Variants in GALNT15 observed in about 807,000 individuals in gnomAD.
GALNT15 encodes UDP-GalNAc transferase T15.
Under a neutral mutation model 66.8 loss-of-function variants are expected in GALNT15, and 67 were observed. The observed-to-expected ratio is 1.00, with a 90% CI of 0.82 to 1.23. The LOEUF (loss-of-function observed/expected upper bound fraction) is 1.23, where lower values mean the gene tolerates loss of function less well. GALNT15 is among the 50% of genes most tolerant of loss of function. The pLI is 0.00. For synonymous variants in GALNT15, 313 were observed against 311.5 expected, an observed-to-expected ratio of 1.00 and a Z score of -0.05; for missense variants, 827 against 804.3, an observed-to-expected ratio of 1.03 and a Z score of -0.34.
At chr3:16,233,094 C>CTTTTGTTTTTTTTTTTTTT (rs2064099745), downstream of GALNT15, among the ~76,000 whole-genome samples, 1 of 61,208 alleles carries the variant, frequency 1.6e-5, no homozygotes, top group African/African-American at 6.6e-5. Context: ...GATAATGCAT[C>CTTTTGTTTTTTTTTTTTTT]TTTTTTTTTT....
intron 9 of GALNT15, 61 bp downstream of exon 9, chr3:16,222,819 G>T: frequency 6.3e-7 from 1 of 1,585,292 alleles, no homozygotes; most frequent in Admixed American, 1.7e-5. Context: ...CTGCTGGTTG[G>T]CATTGGATCC....
chr3:16,191,414 A>G lies in GALNT15; in HGVS notation c.540-4346A>G, dbSNP rs947715325. On this transcript the variant is annotated intron_variant, in intron 1 of 9. Transcript: ENST00000339732. This position sits in a 1 kb window ranked among gnomAD's most constrained non-coding sequence, Gnocchi z 5.2. ...CTGTTCTTGGTGCTTTATAAAGATCATTTCATCTCCACAACAGCAAATCCC... is the reference window on the plus strand; with the variant it reads ...CTGTTCTTGGTGCTTTATAAAGATCGTTTCATCTCCACAACAGCAAATCCC... 2 of 841,626 alleles carry G rather than the reference A, an allele frequency of 2.4e-6. No individual in the cohort carries two copies. Among genetic ancestry groups the G allele is most frequent in the East Asian group, 1.2e-4 (1 of 8,126 alleles). The allele number at this position is 841,626 out of a possible 1,614,324, so 52.1% of individuals were successfully genotyped here. A position where few individuals can be genotyped will look rare whatever the true frequency, so the allele number is the denominator to read the frequency against.
Position 16,229,238 on chromosome 3 carries a change from A to G in GALNT15, c.*1738A>G. ...ACCTGCTAAGTCAAGGGTTCACTGC[A>G]TTTCTCCTTCCTCAGAATACACTCT... On this transcript the variant is annotated 3_prime_UTR_variant, in exon 10 of 10. Transcript: ENST00000339732. 4 of 985,320 alleles carry G rather than the reference A, an allele frequency of 4.1e-6. No homozygotes were observed. The highest frequency in any genetic ancestry group is 4.8e-6 in the Non-Finnish European group (4 of 829,838). 61.0% of individuals were successfully genotyped at this position (985,320 alleles called of 1,614,324 possible). A position where few individuals can be genotyped will look rare whatever the true frequency, so the allele number is the denominator to read the frequency against.
chr3:16,195,988 T>C lies in GALNT15; in HGVS notation c.706+62T>C. On this transcript the variant is annotated intron_variant, in intron 2 of 9. Coordinates refer to ENST00000339732, the MANE Select transcript of GALNT15 (RefSeq NM_054110.5). This position sits in a 1 kb window ranked among gnomAD's most constrained non-coding sequence, Gnocchi z 4.6. ...CCTTACCCCCTGGCGGGTGGAGTTCTCAAGCAAAAGATTGAAGTTTGGAAC... is the reference window on the plus strand; with the variant it reads ...CCTTACCCCCTGGCGGGTGGAGTTCCCAAGCAAAAGATTGAAGTTTGGAAC... The C allele has an allele frequency of 1.3e-6, 2 of 1,549,502 alleles. No individual in the cohort carries two copies. The highest frequency in any genetic ancestry group is 1.8e-6 in the Non-Finnish European group (2 of 1,131,158).
the GALNT15 span, among the ~76,000 whole-genome samples, chr3:16,247,551 C>T: frequency 1.3e-5 from 2 of 152,348 alleles, no homozygotes; most frequent in Non-Finnish European, 2.9e-5. Flanking sequence ...GCAGGCTGCA[C>T]CCTTCAACGG....
At chr3:16,213,474 A>T (rs1433821078) in intron 6 of GALNT15, among the ~76,000 whole-genome samples, 3 of 150,514 alleles carry the variant, frequency 2.0e-5, no homozygotes, top group Non-Finnish European at 4.4e-5. Context: ...AAAAAAAAAT[A>T]GAGTCCAAAA....
intron 3 of GALNT15, among the ~76,000 whole-genome samples, chr3:16,207,129 T>C (rs950732212): frequency 1.3e-5 from 2 of 152,192 alleles, no homozygotes; most frequent in African/African-American, 2.4e-5. Flanking sequence ...CTTACACTTA[T>C]GTCAGTTACC....
rs9819695 is a variant in GALNT15, at chr3:16,188,089, C to T, written c.540-7671C>T. ...CAGAGGTCTGAGCCTGATGGAAGGT[C>T]GTCGTCCAGGGCATGTGGCACATCT... On this transcript the variant is annotated intron_variant, in intron 1 of 9. Coordinates refer to ENST00000339732, the MANE Select transcript of GALNT15 (RefSeq NM_054110.5). The surrounding 1 kb of genome is among the most constrained non-coding windows in gnomAD (Gnocchi z 4.6). Among the ~76,000 whole-genome samples the T allele has an allele frequency of 0.045, 6,792 of 152,260 alleles. 493 individuals carry two copies. The highest frequency in any genetic ancestry group is 0.15 in the African/African-American group (6,367 of 41,530).
At position 16,225,716 on chromosome 3, in the gene GALNT15, A is replaced by C. The variant is rs1452233890; in HGVS notation, c.1774-1638A>C. Among the ~76,000 whole-genome samples the C allele has an allele frequency of 1.8e-4, 28 of 151,834 alleles. No homozygotes were observed. The highest frequency in any genetic ancestry group is 7.4e-5 in the Non-Finnish European group (5 of 67,976). On this transcript the variant is annotated intron_variant, in intron 9 of 9. Transcript: ENST00000339732. This position sits in a 1 kb window ranked among gnomAD's most constrained non-coding sequence, Gnocchi z 4.4. ...TCAAAATAAATAAATAAATAAAAGAAAAAGAAAAAAAGAAGAAAAAGATTT... is the reference window on the plus strand; with the variant it reads ...TCAAAATAAATAAATAAATAAAAGACAAAGAAAAAAAGAAGAAAAAGATTT...
chr3:16,239,444 A>C, the GALNT15 span, among the ~76,000 whole-genome samples: 103 of 152,200 alleles, frequency 6.8e-4, no homozygotes, highest in African/African-American at 2.4e-3. This position sits in a 1 kb window ranked among gnomAD's most constrained non-coding sequence, Gnocchi z 5.2. Context: ...GGACACTGAG[A>C]CAGAGACCTA....
chr3:16,235,468 T>C (rs538555193), downstream of GALNT15, among the ~76,000 whole-genome samples: 9 of 152,206 alleles, frequency 5.9e-5, no homozygotes, highest in Admixed American at 5.9e-4. Flanking sequence ...AAGTTAGGAG[T>C]GAAGTGCATG....
In GALNT15 at chr3:16,212,609, C is replaced by G. The variant is rs1390007880; in HGVS notation, c.1238C>G (p.Ser413Cys). The G allele has an allele frequency of 1.9e-6, 3 of 1,614,016 alleles. No individual in the cohort carries two copies. Among genetic ancestry groups the G allele is most frequent in the Non-Finnish European group, 1.7e-6 (2 of 1,180,000 alleles). ...CGGSVEILPC[S>C]RVGHIYQNQD... ...GGCTCTGTTGAAATCCTTCCCTGCT[C>G]TCGGGTAGGACACATCTACCAAAAT... Residue 413 changes from serine to cysteine, a missense_variant, in exon 6 of 10, where the codon TCT (serine) becomes TGT (cysteine). Transcript: ENST00000339732.
intron 9 of GALNT15, among the ~76,000 whole-genome samples, chr3:16,223,890 TGCCATGTTG>T (rs1011358325): frequency 6.8e-4 from 104 of 152,190 alleles, no homozygotes; most frequent in Middle Eastern, 3.4e-3. Context: ...GACAGGGTTT[TGCCATGTTG>T]GCCAAGTTGG....
chr3:16,206,712 C>T (rs2063761990), intron 3 of GALNT15, among the ~76,000 whole-genome samples: 1 of 145,344 alleles, frequency 6.9e-6, no homozygotes, highest in African/African-American at 2.6e-5. Flanking sequence ...AAGAAATACA[C>T]AGCATAGAGG....
At chr3:16,230,790 C>T (rs959811610), downstream of GALNT15, among the ~76,000 whole-genome samples, 8 of 152,136 alleles carry the variant, frequency 5.3e-5, no homozygotes, top group African/African-American at 1.2e-4. This position sits in a 1 kb window ranked among gnomAD's most constrained non-coding sequence, Gnocchi z 4.5. Context: ...AGTCCTGCCT[C>T]GATTATTCAA....
the GALNT15 span, among the ~76,000 whole-genome samples, chr3:16,247,267 G>T: frequency 6.6e-6 from 1 of 152,178 alleles, no homozygotes; most frequent in Non-Finnish European, 1.5e-5. Context: ...TTTAGACTGT[G>T]TGCCTAACAC....
rs539791815 is a variant in GALNT15, at chr3:16,203,484, C to CA, written c.911+2662dup. 1.8e-4 allele frequency among the ~76,000 whole-genome samples: 27 copies of CA among 151,864 alleles called. No homozygotes were observed. Among genetic ancestry groups the CA allele is most frequent in the African/African-American group, 6.3e-4 (26 of 41,340 alleles). Reference sequence around the variant, plus strand: ...TCTGTCTCTGCCTCTCTACCTCTCTCACGGTCTTTGTCTCTCTCTGTCTCT... The same window carrying CA: ...TCTGTCTCTGCCTCTCTACCTCTCTCAACGGTCTTTGTCTCTCTCTGTCTCT... On this transcript the variant is annotated intron_variant, in intron 3 of 9. Transcript: ENST00000339732. The surrounding 1 kb of genome is among the most constrained non-coding windows in gnomAD (Gnocchi z 6.2).
chr3:16,204,384 A>T lies in GALNT15; in HGVS notation c.911+3561A>T, dbSNP rs1031421698. 4.6e-5 allele frequency among the ~76,000 whole-genome samples: 7 copies of T among 152,186 alleles called. No homozygotes were observed. The highest frequency in any genetic ancestry group is 8.8e-5 in the Non-Finnish European group (6 of 68,018). On this transcript the variant is annotated intron_variant, in intron 3 of 9. Transcript: ENST00000339732. The surrounding 1 kb of genome is among the most constrained non-coding windows in gnomAD (Gnocchi z 4.5). ...AAAATGCAAATTTACAGTAATGATA[A>T]TATTAGAGATGTTCTCTTGGGTTGC...
downstream of GALNT15, among the ~76,000 whole-genome samples, chr3:16,233,240 G>A (rs560306906): frequency 3.0e-4 from 46 of 151,606 alleles, no homozygotes; most frequent in Middle Eastern, 3.4e-3. Flanking sequence ...GATCACAGGC[G>A]TGCATCACCA....
Sources: allele counts gnomAD v4.1 joint callset (sites outside exome capture counted in the v4.1 genomes callset), GRCh38; gene constraint gnomAD v4.1.1; non-coding constraint Gnocchi (gnomAD v3.1); transcripts MANE v1.5; gene names NCBI Gene and HGNC (gene_info 2026-07-23, HGNC 2026-07-21).